The following C1orf94 variants were observed in gnomAD, a reference collection of about 807,000 sequenced individuals.
C1orf94 encodes chromosome 1 open reading frame 94.
In C1orf94, 45 loss-of-function variants were observed where a neutral mutation model predicts 53.6. That is an observed-to-expected ratio of 0.84 (90% CI 0.66 to 1.08). C1orf94 has a LOEUF of 1.08. Ranked by LOEUF, C1orf94 falls within the 50% of genes least tolerant of loss-of-function variation. The probability of loss-of-function intolerance (pLI) is 0.00; values close to 1 mark genes in which losing one functional copy is unlikely to be tolerated. For synonymous variants in C1orf94, 304 were observed against 296.1 expected (o/e 1.03, Z -0.27); for missense variants, 762 against 738.9 (o/e 1.03, Z -0.36).
chr1:34,211,194 C>A (rs145801835), intron 5 of C1orf94, among the ~76,000 whole-genome samples: 1 of 152,088 alleles, frequency 6.6e-6, no homozygotes, highest in African/African-American at 2.4e-5. Flanking sequence ...AGGTAACGAG[C>A]CCCCCATCAT....
In C1orf94 at chr1:34,208,231, A is replaced by G. The variant is rs1333636030; in HGVS notation, c.1521A>G (p.Gln507=). 1.9e-6 allele frequency: 3 copies of G among 1,613,686 alleles called. No homozygotes were observed. Among genetic ancestry groups the G allele is most frequent in the Non-Finnish European group, 1.7e-6 (2 of 1,179,814 alleles). Residue 507 remains glutamine (Q), a synonymous_variant, in exon 5 of 7, where the codon CAA becomes CAG. Transcript: ENST00000488417. ...ACCCGCAGCTGGGATGTTACTCCCAACAGGTGAGTAGACGATCTCTCCTCC... is the reference window on the plus strand; with the variant it reads ...ACCCGCAGCTGGGATGTTACTCCCAGCAGGTGAGTAGACGATCTCTCCTCC... ...ALHPQLGCYS[Q]QVMPYNPQQM...
intron 4 of C1orf94, among the ~76,000 whole-genome samples, chr1:34,203,810 C>A (rs1642750914): frequency 6.6e-6 from 1 of 152,230 alleles, no homozygotes; most frequent in South Asian, 2.1e-4. Flanking sequence ...CCCTTAAGAG[C>A]TGCCGCCCAC....
rs1427199523 is a variant in C1orf94 at position 34,177,777 on chromosome 1, C to G, written c.-13C>G. The G allele has an allele frequency of 6.6e-7, 1 of 1,523,236 alleles. No homozygotes were observed. Among genetic ancestry groups the G allele is most frequent in the East Asian group, 2.5e-5 (1 of 40,482 alleles). 94.4% of individuals were successfully genotyped at this position (1,523,236 alleles called of 1,614,324 possible). A position where few individuals can be genotyped will look rare whatever the true frequency, so the allele number is the denominator to read the frequency against. On this transcript the variant is annotated 5_prime_UTR_variant, in exon 1 of 7. Coordinates refer to ENST00000488417, the MANE Select transcript of C1orf94 (RefSeq NM_001134734.2). ...CTTCTGCCAAGCCCCATCCTCATCT[C>G]CCTTTCTGGTGAATGAGGGGTGGTG...
chr1:34,196,302 C>T lies in C1orf94; in HGVS notation c.321-923C>T, dbSNP rs138909259. On this transcript the variant is annotated intron_variant, in intron 1 of 6. Coordinates refer to ENST00000488417, the MANE Select transcript of C1orf94 (RefSeq NM_001134734.2). ...GTGCTATCAGACAGGTGCAGACCAG[C>T]AAGTGTGCAGCGGAGGACCCAGGGT... Among the ~76,000 whole-genome samples the T allele has an allele frequency of 3.5e-3, 537 of 152,236 alleles. 3 individuals carry two copies. The highest frequency in any genetic ancestry group is 0.027 in the South Asian group (131 of 4,828).
chr1:34,198,568 G>C (rs1426742022), intron 2 of C1orf94, among the ~76,000 whole-genome samples: 3 of 152,220 alleles, frequency 2.0e-5, no homozygotes, highest in Non-Finnish European at 2.9e-5. Context: ...AGACTATATG[G>C]TTCCAAGAAG....
intron 1 of C1orf94, among the ~76,000 whole-genome samples, chr1:34,190,325 G>T (rs1642461794): frequency 6.6e-6 from 1 of 152,136 alleles, no homozygotes; most frequent in African/African-American, 2.4e-5. Context: ...GTTTCCCTGT[G>T]CCTTTAGAAC....
intron 2 of C1orf94, among the ~76,000 whole-genome samples, chr1:34,198,947 T>C (rs1642647798): frequency 6.6e-6 from 1 of 152,192 alleles, no homozygotes; most frequent in Admixed American, 6.5e-5. Flanking sequence ...AAGGGACCCA[T>C]AGATATTTCC....
chr1:34,201,975 G>T, intron 3 of C1orf94, 109 bp from the exon 4 acceptor site: 1 of 1,103,066 alleles, frequency 9.1e-7, no homozygotes, highest in Non-Finnish European at 1.3e-6. Context: ...GAGCTTAAAG[G>T]ACCTGACCTG....
intron 6 of C1orf94, among the ~76,000 whole-genome samples, chr1:34,213,068 G>T (rs1642921534): frequency 6.6e-6 from 1 of 152,174 alleles, no homozygotes; most frequent in African/African-American, 2.4e-5. Flanking sequence ...ATAATACATA[G>T]CCATTCATTC....
At chr1:34,198,907 G>C (rs898220996) in intron 2 of C1orf94, among the ~76,000 whole-genome samples, 2 of 152,310 alleles carry the variant, frequency 1.3e-5, no homozygotes, top group East Asian at 1.9e-4. Context: ...TCTTCCCAGA[G>C]AGGAGACCTT....
rs1321219447 is a variant in C1orf94 at position 34,207,261 on chromosome 1, GGGTGTGTGTGT to G, written c.1447-894_1447-884del. Among the ~76,000 whole-genome samples, 7 of 79,080 alleles carry G rather than the reference GGGTGTGTGTGT, an allele frequency of 8.9e-5. No homozygotes were observed. In the South Asian group the frequency reaches 1.5e-3, roughly 17 times the overall value. 51.9% of individuals were successfully genotyped at this position (79,080 alleles called of 152,430 possible). A position where few individuals can be genotyped will look rare whatever the true frequency, so the allele number is the denominator to read the frequency against. ...CCACTGCCACAGCAGCAGTTCTGCG[GGGTGTGTGTGT>G]GTGTGTGTGTGTGTGTGTGTGTGTG... On this transcript the variant is annotated intron_variant, in intron 4 of 6. Transcript: ENST00000488417.
chr1:34,218,911 G>A lies in C1orf94; in HGVS notation c.*150G>A, dbSNP rs1284527135. ...ACAGCAAGACCAGATTCATCTATTG[G>A]CCAACACTGACACAAAAATAGCCCT... is the stretch of plus-strand genomic sequence containing the variant. On this transcript the variant is annotated 3_prime_UTR_variant, in exon 7 of 7. Transcript: ENST00000488417. 2 of 511,294 alleles carry A rather than the reference G, an allele frequency of 3.9e-6. No homozygotes were observed. Among genetic ancestry groups the A allele is most frequent in the East Asian group, 6.4e-5 (2 of 31,414 alleles). 31.7% of individuals were successfully genotyped at this position (511,294 alleles called of 1,614,324 possible). A position where few individuals can be genotyped will look rare whatever the true frequency, so the allele number is the denominator to read the frequency against.
upstream of C1orf94, among the ~76,000 whole-genome samples, chr1:34,172,133 C>A (rs1357944180): frequency 6.6e-6 from 1 of 152,214 alleles, no homozygotes; most frequent in Admixed American, 6.5e-5. Flanking sequence ...CATAAAGGGC[C>A]TCGCCAGGAA....
Position 34,218,761 on chromosome 1 carries a change from G to T in C1orf94, c.1797G>T (p.Ter599TyrextTer36). The change falls in exon 7 of 7, where the codon TAG becomes TAT. Residue 599 changes from the stop codon to tyrosine, a stop_lost. Transcript: ENST00000488417. ...CCAGTGGGAATGGCATAAACTTTTA[G>T]ATCTCCTCTTCTCCCTTCTCCTCCC... is the stretch of plus-strand genomic sequence containing the variant. ...FSSSGNGINF[*>Y] 6.2e-7 allele frequency: 1 copy of T among 1,611,394 alleles called. No homozygotes were observed. Among genetic ancestry groups the T allele is most frequent in the Non-Finnish European group, 8.5e-7 (1 of 1,178,200 alleles).
At chr1:34,183,827 G>A (rs1358008400) in intron 1 of C1orf94, among the ~76,000 whole-genome samples, 1 of 150,836 alleles carries the variant, frequency 6.6e-6, no homozygotes, top group South Asian at 2.1e-4. Context: ...TTGCACTCCA[G>A]TCTGGGTAAC....
Position 34,202,251 on chromosome 1 carries a change from C to A in C1orf94, c.1438C>A (p.Gln480Lys). 6.2e-7 allele frequency: 1 copy of A among 1,614,018 alleles called. No homozygotes were observed. Among genetic ancestry groups the A allele is most frequent in the Non-Finnish European group, 8.5e-7 (1 of 1,179,944 alleles). Residue 480 changes from glutamine to lysine, a missense_variant, in exon 4 of 7, where the codon CAG becomes AAG. Gln to Lys is a moderately conservative substitution (Grantham distance 53). Coordinates refer to ENST00000488417, the MANE Select transcript of C1orf94 (RefSeq NM_001134734.2). ...GTTCACGAATCACTCTACCTTCTTG[C>A]AGTATCAGGTCAGTGAGCTGGCCTG... ...PVFTNHSTFL[Q>K]YQGLYPQQAA...
intron 4 of C1orf94, 39 bp downstream of exon 4, chr1:34,202,298 G>A: frequency 1.2e-6 from 2 of 1,600,968 alleles, no homozygotes; most frequent in South Asian, 1.1e-5. Context: ...GACATCCACG[G>A]GGGTTTTGGC....
chr1:34,172,417 T>A (rs189437615), upstream of C1orf94, among the ~76,000 whole-genome samples: 5 of 152,344 alleles, frequency 3.3e-5, no homozygotes, highest in South Asian at 2.1e-4. Flanking sequence ...CCAGGCACTG[T>A]GTTGAGAAGT....
chr1:34,203,578 T>C (rs1642748647), intron 4 of C1orf94, among the ~76,000 whole-genome samples: 1 of 152,118 alleles, frequency 6.6e-6, no homozygotes, highest in East Asian at 1.9e-4. Context: ...AATGAGTGTA[T>C]ATGGCCACCT....
Sources: gnomAD v4.1 joint callset for allele counts (sites outside exome capture counted in the v4.1 genomes callset) on GRCh38, gnomAD v4.1.1 for gene constraint, MANE v1.5 for transcripts, NCBI Gene and HGNC (gene_info 2026-07-23, HGNC 2026-07-21) for gene names.